The following TRPV3 variants were observed in gnomAD, a reference collection of about 807,000 sequenced individuals.
The protein encoded by TRPV3 is transient receptor potential cation channel subfamily V member 3.
A neutral mutation model predicts 87.1 loss-of-function variants in TRPV3; 88 were observed. The observed-to-expected ratio is 1.01, with a 90% CI of 0.85 to 1.21. The LOEUF (loss-of-function observed/expected upper bound fraction) is 1.21, where lower values mean the gene tolerates loss of function less well. Among genes scored for constraint, TRPV3 ranks in the 50% most tolerant of loss-of-function variants. TRPV3 has a pLI of 0.00. For synonymous variants in TRPV3, 438 were observed against 423.3 expected (o/e 1.03, Z -0.43); for missense variants, 1,054 against 1,030.1 (o/e 1.02, Z -0.32).
intron 15 of TRPV3, 97 bp from the exon 16 acceptor site, chr17:3,516,666 A>G (rs2074186208): frequency 6.0e-6 from 5 of 833,332 alleles, no homozygotes; most frequent in Admixed American, 5.6e-5. Flanking sequence ...CCCTCACCTC[A>G]TGCTTAATGC....
At position 3,530,810 on chromosome 17, in the gene TRPV3, C is replaced by T. The variant is rs2074342719; in HGVS notation, c.1066-607G>A. Among the ~76,000 whole-genome samples, 2 of 152,132 alleles carry T rather than the reference C, an allele frequency of 1.3e-5. No individual in the cohort carries two copies. The highest frequency in any genetic ancestry group is 2.9e-5 in the Non-Finnish European group (2 of 68,026). ...GTAGCTCACGCCTGTAATCCCAGCA[C>T]TTTGGGAGGCCGAGGCGGGTGGATC... On this transcript the variant is annotated intron_variant, in intron 8 of 17. Transcript: ENST00000576742. This position sits in a 1 kb window ranked among gnomAD's most constrained non-coding sequence, Gnocchi z 4.0.
In TRPV3 at chr17:3,526,924, T is replaced by C. The variant is rs746863904; in HGVS notation, c.1507A>G (p.Ile503Val). The C allele has an allele frequency of 1.9e-6, 3 of 1,610,834 alleles. No homozygotes were observed. The highest frequency in any genetic ancestry group is 2.5e-6 in the Non-Finnish European group (3 of 1,178,744). Residue 503 changes from isoleucine to valine, a missense_variant, in exon 12 of 18, where the codon ATT becomes GTT. By Grantham distance (29) the Ile-to-Val change is conservative. Coordinates refer to ENST00000576742, the MANE Select transcript of TRPV3 (RefSeq NM_145068.4). ...WAMCISVKEG[I>V]AIFLLRPSDL... ...GAGGGTCTCAGCAGGAAGATGGCAA[T>C]GCCCTAAGGCCAGGAAGGAAAGAAA... is the stretch of plus-strand genomic sequence containing the variant.
At position 3,513,867 on chromosome 17, in the gene TRPV3, C is replaced by G. The variant is rs763382612; in HGVS notation, c.*50G>C. On this transcript the variant is annotated 3_prime_UTR_variant, in exon 18 of 18. Coordinates refer to ENST00000576742, the MANE Select transcript of TRPV3 (RefSeq NM_145068.4). ...CCTCTCTGCACAGAGTCGGTGACTC[C>G]GCCTGCAGCGCCAGACAGCGCACGC... 4.6e-5 allele frequency: 70 copies of G among 1,506,814 alleles called. 1 individual carries two copies. The South Asian group carries it at 8.0e-4, about 17-fold the overall frequency. The allele number at this position is 1,506,814 out of a possible 1,614,324, so 93.3% of individuals were successfully genotyped here.
At chr17:3,527,235 A>G (rs1266096611) in intron 11 of TRPV3, among the ~76,000 whole-genome samples, 1 of 152,138 alleles carries the variant, frequency 6.6e-6, no homozygotes, top group Non-Finnish European at 1.5e-5. Context: ...CTAGCGTTCC[A>G]GCCTCCGAGC....
At chr17:3,524,133 A>T in intron 13 of TRPV3, 65 bp downstream of exon 13, 6 of 1,584,490 alleles carry the variant, frequency 3.8e-6, no homozygotes, top group Non-Finnish European at 5.2e-6. Flanking sequence ...TCCAGATCTC[A>T]GTTTCCCCAT....
intron 2 of TRPV3, among the ~76,000 whole-genome samples, chr17:3,547,492 G>A (rs998138190): frequency 5.9e-5 from 9 of 152,290 alleles, no homozygotes; most frequent in South Asian, 2.1e-4. Flanking sequence ...GTGGTGGCAC[G>A]CACCTGTAAT....
At chr17:3,527,881 C>T (rs1298233740) in intron 11 of TRPV3, 144 bp downstream of exon 11, 2 of 651,772 alleles carry the variant, frequency 3.1e-6, no homozygotes, top group Non-Finnish European at 5.4e-6. Context: ...CCATTTTTTC[C>T]CATGTTATAA....
In TRPV3 at chr17:3,557,354, C is replaced by T. The variant is rs2074642391; in HGVS notation, c.-3+322G>A. ...CCAGAAAGCCACCTCCCTGGGTCAG[C>T]CTCGGGAGGCAGGAGCCTCTCCTCT... On this transcript the variant is annotated intron_variant, in intron 1 of 17. Transcript: ENST00000576742. The surrounding 1 kb of genome is among the most constrained non-coding windows in gnomAD (Gnocchi z 4.5). Among the ~76,000 whole-genome samples the T allele has an allele frequency of 6.6e-6, 1 of 152,206 alleles. No individual in the cohort carries two copies.
chr17:3,553,021 A>AC (rs2074593456), intron 2 of TRPV3: 1 of 152,042 alleles, frequency 6.6e-6, no homozygotes, highest in Non-Finnish European at 1.5e-5. Flanking sequence ...GGCACCTCCC[A>AC]CCCAACATTT....
chr17:3,521,824 C>A (rs569295655), intron 13 of TRPV3, among the ~76,000 whole-genome samples: 3 of 152,152 alleles, frequency 2.0e-5, no homozygotes, highest in African/African-American at 4.8e-5. Context: ...GCCTGTAATC[C>A]CAACACTTTG....
chr17:3,554,853 C>A lies in TRPV3; in HGVS notation c.-2-1G>T. On this transcript the variant is annotated splice_acceptor_variant, in intron 1 of 17. Coordinates refer to ENST00000576742, the MANE Select transcript of TRPV3 (RefSeq NM_145068.4). LOFTEE classifies it low-confidence loss of function (5UTR_SPLICE). ...ATCTCCTTGGGGTGGGCTTTCATGG[C>A]TGGAATACAACCACAGGGCAGATGC... 6.2e-7 allele frequency: 1 copy of A among 1,604,792 alleles called. No individual in the cohort carries two copies. Among genetic ancestry groups the A allele is most frequent in the Non-Finnish European group, 8.5e-7 (1 of 1,174,808 alleles).
intron 16 of TRPV3, among the ~76,000 whole-genome samples, chr17:3,515,693 T>TAA (rs35592655): frequency 1.1e-3 from 161 of 149,730 alleles, no homozygotes; most frequent in Middle Eastern, 3.4e-3. Flanking sequence ...GTAAGGACTT[T>TAA]AAAAAAAAAA....
intron 2 of TRPV3, chr17:3,552,993 C>A (rs973112354): frequency 6.6e-6 from 1 of 152,364 alleles, no homozygotes; most frequent in Non-Finnish European, 1.5e-5. Flanking sequence ...GATGGAGCCT[C>A]CACCTGGGTG....
At chr17:3,527,591 A>T in intron 11 of TRPV3, 1 of 232,984 alleles carries the variant, frequency 4.3e-6, no homozygotes, top group Non-Finnish European at 8.5e-6. Context: ...GGATGGATGG[A>T]AGGATGGATG....
chr17:3,518,360 G>A lies in TRPV3; in HGVS notation c.2085+216C>T, dbSNP rs1467684726. Among the ~76,000 whole-genome samples, 1 of 152,148 alleles carries A rather than the reference G, an allele frequency of 6.6e-6. No individual in the cohort carries two copies. Among genetic ancestry groups the A allele is most frequent in the Non-Finnish European group, 1.5e-5 (1 of 68,032 alleles). On this transcript the variant is annotated intron_variant, in intron 15 of 17. Coordinates refer to ENST00000576742, the MANE Select transcript of TRPV3 (RefSeq NM_145068.4). The surrounding 1 kb of genome is among the most constrained non-coding windows in gnomAD (Gnocchi z 4.3). ...CTGAGCAGAGCACCCCCATGAGCCTGAGTTTTTCTACACATTCTGTTGCAC... is the reference window on the plus strand; with the variant it reads ...CTGAGCAGAGCACCCCCATGAGCCTAAGTTTTTCTACACATTCTGTTGCAC...
chr17:3,518,766 A>G lies in TRPV3; in HGVS notation c.1895T>C (p.Leu632Pro). The G allele has an allele frequency of 1.9e-6, 3 of 1,614,108 alleles. No homozygotes were observed. The highest frequency in any genetic ancestry group is 2.5e-6 in the Non-Finnish European group (3 of 1,179,992). ...YGSFSDAVLE[L>P]FKLTIGLGDL... ...ACCCAGGCCTATGGTGAGCTTGAAG[A>G]GTTCCAGCACTGCGTCGCTGAAGCT... The change falls in exon 15 of 18, where the codon CTC (leucine) becomes CCC (proline). Residue 632 changes from leucine to proline, a missense_variant. Coordinates refer to ENST00000576742, the MANE Select transcript of TRPV3 (RefSeq NM_145068.4). This position sits in a 1 kb window ranked among gnomAD's most constrained non-coding sequence, Gnocchi z 4.3.
At chr17:3,538,498 T>C (rs2074428595) in intron 6 of TRPV3, among the ~76,000 whole-genome samples, 1 of 152,038 alleles carries the variant, frequency 6.6e-6, no homozygotes, top group African/African-American at 2.4e-5. Flanking sequence ...TGAGTATTTC[T>C]GTACACCGTT....
intron 2 of TRPV3, among the ~76,000 whole-genome samples, chr17:3,551,737 G>C (rs923299864): frequency 6.6e-6 from 1 of 152,084 alleles, no homozygotes; most frequent in African/African-American, 2.4e-5. Flanking sequence ...TCAGGGAATG[G>C]CACGATGGTT....
In TRPV3 at chr17:3,532,704, C is replaced by A; in HGVS notation, c.1018G>T (p.Asp340Tyr). The change falls in exon 8 of 18, where the codon GAT becomes TAT. Residue 340 changes from aspartate to tyrosine, a missense_variant. Coordinates refer to ENST00000576742, the MANE Select transcript of TRPV3 (RefSeq NM_145068.4). ...GCCAGCTGCAGCGGCGTGAGGCCATCGTTGTTGCGAGTGGTCTCCAGCTCC... is the reference window on the plus strand; with the variant it reads ...GCCAGCTGCAGCGGCGTGAGGCCATAGTTGTTGCGAGTGGTCTCCAGCTCC... Reference protein sequence around the residue: ...NWELETTRNNDGLTPLQLAAK... With the variant: ...NWELETTRNNYGLTPLQLAAK... 6.2e-7 allele frequency: 1 copy of A among 1,614,258 alleles called. No homozygotes were observed. Among genetic ancestry groups the A allele is most frequent in the Non-Finnish European group, 8.5e-7 (1 of 1,180,044 alleles).
Sources: gnomAD v4.1 joint callset for allele counts (sites outside exome capture counted in the v4.1 genomes callset) on GRCh38, gnomAD v4.1.1 for gene constraint, Gnocchi (gnomAD v3.1) non-coding constraint, MANE v1.5 for transcripts, NCBI Gene and HGNC (gene_info 2026-07-23, HGNC 2026-07-21) for gene names.